HLCS: variants seen among roughly 807,000 people sequenced by gnomAD.
HLCS encodes biotin--protein ligase.
In HLCS, 53 loss-of-function variants were observed where a neutral mutation model predicts 75.0. That is an observed-to-expected ratio of 0.71 (90% confidence interval 0.57 to 0.89). HLCS has a LOEUF of 0.89. Ranked by LOEUF, HLCS falls within the 40% of genes least tolerant of loss-of-function variation. The pLI, the probability that HLCS is intolerant of heterozygous loss-of-function variation, is 0.00. For missense variants in HLCS, 966 were observed against 1,074.0 expected (o/e 0.90, Z 1.41); for synonymous variants, 431 against 428.6 (o/e 1.01, Z -0.07).
At chr21:36,885,835 A>C (rs1278795978) in intron 6 of HLCS, among the ~76,000 whole-genome samples, 2 of 152,074 alleles carry the variant, frequency 1.3e-5, no homozygotes, top group Non-Finnish European at 2.9e-5. Flanking sequence ...TAAGTAATTA[A>C]ACTTTTTATT....
chr21:36,988,893 T>G (rs1270087105), intron 1 of HLCS, among the ~76,000 whole-genome samples: 1 of 152,178 alleles, frequency 6.6e-6, no homozygotes, highest in Non-Finnish European at 1.5e-5. Context: ...CCTCAATGTT[T>G]GAGTTATTTA....
intron 1 of HLCS, among the ~76,000 whole-genome samples, chr21:36,989,675 G>C (rs1291493012): frequency 6.6e-6 from 1 of 151,312 alleles, no homozygotes; most frequent in South Asian, 2.1e-4. Context: ...TTTTTTTTCC[G>C]GGCACTTAGG....
At chr21:36,800,181 A>G (rs572673364) in intron 6 of HLCS, among the ~76,000 whole-genome samples, 38 of 152,262 alleles carry the variant, frequency 2.5e-4, no homozygotes, top group Admixed American at 1.6e-3. Context: ...ATCAAAGAGG[A>G]CCATGGTGAG....
chr21:36,762,523 G>A (rs1210753341), intron 8 of HLCS, among the ~76,000 whole-genome samples: 5 of 152,162 alleles, frequency 3.3e-5, no homozygotes, highest in Admixed American at 2.6e-4. Context: ...GTGTGCTGAC[G>A]GTGACATCTG....
chr21:36,990,082 G>C (rs1460066989), intron 1 of HLCS: 1 of 152,226 alleles, frequency 6.6e-6, no homozygotes, highest in African/African-American at 2.4e-5. Context: ...GCGGTGGACT[G>C]CCTGACCCTC....
intron 2 of HLCS, among the ~76,000 whole-genome samples, chr21:36,956,149 C>T (rs1569245063): frequency 6.6e-6 from 1 of 152,014 alleles, no homozygotes; most frequent in Non-Finnish European, 1.5e-5. Context: ...TGTTCAAAAA[C>T]GTGGTGTCTG....
intron 2 of HLCS, among the ~76,000 whole-genome samples, chr21:36,942,096 T>A (rs8129682): frequency 6.6e-6 from 1 of 151,180 alleles, no homozygotes; most frequent in African/African-American, 2.4e-5. Context: ...TTGCTTCAAC[T>A]CAGGAGGCAG....
intron 2 of HLCS, among the ~76,000 whole-genome samples, chr21:36,941,948 A>G (rs2067160911): frequency 1.3e-5 from 2 of 152,124 alleles, no homozygotes; most frequent in Non-Finnish European, 2.9e-5. Context: ...CAGAGGTTGC[A>G]GTGAGCCGAG....
intron 2 of HLCS, among the ~76,000 whole-genome samples, chr21:36,959,623 C>T (rs1371733444): frequency 6.6e-6 from 1 of 152,184 alleles, no homozygotes; most frequent in Non-Finnish European, 1.5e-5. Flanking sequence ...CCCATGGCTG[C>T]CCATGGACCA....
In HLCS at chr21:36,905,878, C is replaced by T. The variant is rs529194001; in HGVS notation, c.1621-8747G>A. On this transcript the variant is annotated intron_variant, in intron 5 of 10. Coordinates refer to ENST00000674895, the MANE Select transcript of HLCS (RefSeq NM_001352514.2). ...ACCAGCCTGGCCAACATGGTGAAAC[C>T]CCACTTCTACAAAAATACAAAATTA... 2.6e-4 allele frequency among the ~76,000 whole-genome samples: 39 copies of T among 151,768 alleles called. No individual in the cohort carries two copies. The South Asian group carries it at 8.1e-3, about 32-fold the overall frequency.
intron 6 of HLCS, among the ~76,000 whole-genome samples, chr21:36,824,141 A>G (rs991947390): frequency 1.3e-5 from 2 of 152,190 alleles, no homozygotes; most frequent in Non-Finnish European, 2.9e-5. Context: ...AAGTGCACAC[A>G]TATGTTTATT....
At chr21:36,874,524 A>G (rs868711711) in intron 6 of HLCS, among the ~76,000 whole-genome samples, 64 of 152,318 alleles carry the variant, frequency 4.2e-4, no homozygotes, top group African/African-American at 1.4e-3. Flanking sequence ...AGTACCATAT[A>G]GCTTTGATTA....
intron 2 of HLCS, among the ~76,000 whole-genome samples, chr21:36,954,743 TA>T (rs57697576): frequency 0.56 from 85,159 of 150,850 alleles, 24,167 homozygotes; most frequent in East Asian, 0.65. Context: ...TTCTACTTAT[TA>T]AAAAAACAAA....
chr21:36,966,717 G>GGCCGC (rs1052486303), upstream of HLCS: 58 of 690,748 alleles, frequency 8.4e-5, no homozygotes, highest in Non-Finnish European at 9.8e-5. Context: ...CGGCCGGAAG[G>GGCCGC]GCCGCGCCGC....
chr21:36,946,380 G>A (rs928348061), intron 2 of HLCS, among the ~76,000 whole-genome samples: 1 of 151,798 alleles, frequency 6.6e-6, no homozygotes, highest in East Asian at 1.9e-4. Flanking sequence ...TAGCTGGGAC[G>A]ACAGGCATGC....
intron 2 of HLCS, among the ~76,000 whole-genome samples, chr21:36,955,728 A>G (rs1248863304): frequency 6.6e-6 from 1 of 152,168 alleles, no homozygotes; most frequent in Admixed American, 6.5e-5. Flanking sequence ...TAAAGTAGTG[A>G]CTGTTGTGTC....
intron 6 of HLCS, among the ~76,000 whole-genome samples, chr21:36,841,197 G>A (rs1053396272): frequency 1.3e-5 from 2 of 152,092 alleles, no homozygotes; most frequent in African/African-American, 4.8e-5. Context: ...TATTTCAACC[G>A]AATTGGCTTA....
At chr21:36,915,310 T>C (rs1424670625) in intron 5 of HLCS, among the ~76,000 whole-genome samples, 3 of 152,252 alleles carry the variant, frequency 2.0e-5, no homozygotes, top group African/African-American at 4.8e-5. Context: ...CTCCACTGTT[T>C]AATTCTCAGT....
intron 5 of HLCS, among the ~76,000 whole-genome samples, chr21:36,928,414 T>A (rs1320225673): frequency 6.6e-6 from 1 of 151,560 alleles, no homozygotes; most frequent in East Asian, 1.9e-4. Flanking sequence ...ACAAAAAGTA[T>A]TAAAAATTAG....
Sources: gnomAD v4.1 joint callset for allele counts (sites outside exome capture counted in the v4.1 genomes callset) on GRCh38, gnomAD v4.1.1 for gene constraint, MANE v1.5 for transcripts, NCBI Gene and HGNC (gene_info 2026-07-23, HGNC 2026-07-21) for gene names.